Variants in RPS19BP1 observed in about 807,000 individuals in gnomAD.
The protein encoded by RPS19BP1 is ribosomal protein S19 binding protein 1.
In RPS19BP1, 14 loss-of-function variants were observed where a neutral mutation model predicts 16.6. The ratio of observed to expected loss-of-function variants is 0.84; its 90% CI spans 0.56 to 1.32. The LOEUF is 1.32. Among genes scored for constraint, RPS19BP1 ranks in the 40% most tolerant of loss-of-function variants. The pLI is 0.00. For synonymous variants in RPS19BP1, 90 were observed against 77.3 expected, an observed-to-expected ratio of 1.16 and a Z score of -0.86; for missense variants, 188 against 178.6, an observed-to-expected ratio of 1.05 and a Z score of -0.30.
At chr22:39,529,950 A>G (rs751346965) in intron 2 of RPS19BP1, 33 bp from the exon 3 acceptor site, 19 of 1,549,046 alleles carry the variant, frequency 1.2e-5, no homozygotes, top group East Asian at 2.2e-5. Context: ...ACCATTTCAG[A>G]TTCACTCCCC....
At chr22:39,530,739 A>AC (rs1931288423) in intron 2 of RPS19BP1, 1 of 154,244 alleles carries the variant, frequency 6.5e-6, no homozygotes, top group Non-Finnish European at 1.4e-5. Flanking sequence ...AAAAAAAAAA[A>AC]CAAACCAAAA....
At chr22:39,531,932 C>A in intron 2 of RPS19BP1, 1 of 174,008 alleles carries the variant, frequency 5.7e-6, no homozygotes, top group South Asian at 1.1e-4. Context: ...CCTTTACCAG[C>A]CTTTATTTTT....
chr22:39,532,071 G>A, intron 2 of RPS19BP1: 1 of 308,586 alleles, frequency 3.2e-6, no homozygotes, highest in Non-Finnish European at 6.1e-6. Flanking sequence ...CTGAAATGTC[G>A]CTTCCTCAGA....
At chr22:39,532,123 C>CT in intron 2 of RPS19BP1, 1 of 442,172 alleles carries the variant, frequency 2.3e-6, no homozygotes, top group Non-Finnish European at 4.1e-6. Context: ...GTACCGTAGT[C>CT]TTTTAATTCA....
chr22:39,531,509 C>T (rs1931309093), intron 2 of RPS19BP1: 1 of 152,260 alleles, frequency 6.6e-6, no homozygotes, highest in Admixed American at 6.5e-5. Flanking sequence ...TTAAGTGACA[C>T]TACGTCCCCC....
At position 39,530,108 on chromosome 22, in the gene RPS19BP1, C is replaced by G. The variant is rs73885249; in HGVS notation, c.182-191G>C. ...AGCCCCAGGCTCTTGGCCCCCACCC[C>G]CATTTTCCAACAATTATGTCCTGAA... On this transcript the variant is annotated intron_variant, in intron 2 of 3. Transcript: ENST00000334678. 4.4e-3 allele frequency: 2,660 copies of G among 602,318 alleles called. 54 individuals are homozygous for G. The African/African-American group carries it at 0.045, about 10-fold the overall frequency. 37.3% of individuals were successfully genotyped at this position (602,318 alleles called of 1,614,324 possible). A position where few individuals can be genotyped will look rare whatever the true frequency, so the allele number is the denominator to read the frequency against.
rs900348628 is a variant in RPS19BP1, at chr22:39,532,402, C to A, written c.174G>T (p.Ser58=). Residue 58 remains serine (S), a synonymous_variant, in exon 2 of 4, where the codon TCG becomes TCT. Coordinates refer to ENST00000334678, the MANE Select transcript of RPS19BP1 (RefSeq NM_194326.4). ...RNSAKGKVPK[S]ALDEYRKREC... The stretch of plus-strand genomic sequence containing the variant: ...GCCCCTTCCCGAACTTACCCAGTGC[C>A]GACTTGGGCACCTTTCCCTTGGCCG... The A allele has an allele frequency of 3.1e-6, 5 of 1,614,102 alleles. No individual in the cohort carries two copies. The Admixed American group carries it at 6.7e-5, about 22-fold the overall frequency.
chr22:39,532,353 C>A (rs1931333620), intron 2 of RPS19BP1, 42 bp downstream of exon 2: 10 of 1,613,600 alleles, frequency 6.2e-6, no homozygotes, highest in South Asian at 1.1e-5. Flanking sequence ...GGCGCAGGTC[C>A]CAGCACCGGA....
chr22:39,529,857 C>T lies in RPS19BP1; in HGVS notation c.242G>A (p.Arg81Lys). ...AGACTCAGCCACGGTGCTTCTCGTCCTGGTCAGAAACTTCAGGTTTACTCT... is the reference window on the plus strand; with the variant it reads ...AGACTCAGCCACGGTGCTTCTCGTCTTGGTCAGAAACTTCAGGTTTACTCT... Reference protein sequence around the residue: ...HLRVNLKFLTRTRSTVAESVS... With the variant: ...HLRVNLKFLTKTRSTVAESVS... Residue 81 changes from arginine (R) to lysine (K), a missense_variant, in exon 3 of 4, where the codon AGG becomes AAG. Transcript: ENST00000334678. 6.2e-7 allele frequency: 1 copy of T among 1,614,222 alleles called. No individual in the cohort carries two copies.
chr22:39,531,967 C>G (rs1931321493), intron 2 of RPS19BP1: 1 of 172,292 alleles, frequency 5.8e-6, no homozygotes, highest in Non-Finnish European at 1.2e-5. Context: ...GCAACAACCT[C>G]CTTTCTGACT....
At position 39,532,401 on chromosome 22, in the gene RPS19BP1, C is replaced by A; in HGVS notation, c.175G>T (p.Ala59Ser). 1 of 1,614,212 alleles carries A rather than the reference C, an allele frequency of 6.2e-7. No individual in the cohort carries two copies. Among genetic ancestry groups the A allele is most frequent in the Non-Finnish European group, 8.5e-7 (1 of 1,180,046 alleles). The change falls in exon 2 of 4, where the codon GCA becomes TCA. Residue 59 changes from alanine to serine, a missense_variant. Ala to Ser is a moderately conservative substitution (Grantham distance 99). Transcript: ENST00000334678. The part of the protein sequence containing the change: ...NSAKGKVPKS[A>S]LDEYRKRECR... ...AGCCCCTTCCCGAACTTACCCAGTGCCGACTTGGGCACCTTTCCCTTGGCC... is the reference window on the plus strand; with the variant it reads ...AGCCCCTTCCCGAACTTACCCAGTGACGACTTGGGCACCTTTCCCTTGGCC...
chr22:39,529,214 G>C lies in RPS19BP1; in HGVS notation c.*278C>G, dbSNP rs1931236679. On this transcript the variant is annotated 3_prime_UTR_variant, in exon 4 of 4. Transcript: ENST00000334678. The stretch of plus-strand genomic sequence containing the variant: ...GCAAACAGCCCAGAGGCCCCACCTG[G>C]GCAAAAGCAAACAAAACAGATACGT... 1 of 466,770 alleles carries C rather than the reference G, an allele frequency of 2.1e-6. No individual in the cohort carries two copies. Among genetic ancestry groups the C allele is most frequent in the Non-Finnish European group, 3.9e-6 (1 of 258,230 alleles). The allele number at this position is 466,770 out of a possible 1,614,324, so 28.9% of individuals were successfully genotyped here. A position where few individuals can be genotyped will look rare whatever the true frequency, so the allele number is the denominator to read the frequency against.
chr22:39,529,856 C>G lies in RPS19BP1; in HGVS notation c.243G>C (p.Arg81Ser). The change falls in exon 3 of 4, where the codon AGG becomes AGC. Residue 81 changes from arginine (R) to serine (S), a missense_variant. Coordinates refer to ENST00000334678, the MANE Select transcript of RPS19BP1 (RefSeq NM_194326.4). ...HLRVNLKFLT[R>S]TRSTVAESVS... ...CAGACTCAGCCACGGTGCTTCTCGTCCTGGTCAGAAACTTCAGGTTTACTC... is the reference window on the plus strand; with the variant it reads ...CAGACTCAGCCACGGTGCTTCTCGTGCTGGTCAGAAACTTCAGGTTTACTC... 1 of 1,614,192 alleles carries G rather than the reference C, an allele frequency of 6.2e-7. No individual in the cohort carries two copies. The highest frequency in any genetic ancestry group is 1.3e-5 in the African/African-American group (1 of 75,042).
Position 39,532,690 on chromosome 22 carries a change from C to T in RPS19BP1, c.49G>A (p.Glu17Lys). The T allele has an allele frequency of 1.3e-6, 2 of 1,544,518 alleles. No homozygotes were observed. The highest frequency in any genetic ancestry group is 1.7e-6 in the Non-Finnish European group (2 of 1,148,120). ...TCCCCTGGCCAGCCCTCCTCACCCT[C>T]GGACGCCGCCAGCAGCTCCAGGCCC... ...RRGLELLAAS[E>K]APRDPPGQAK... The change falls in exon 1 of 4, where the codon GAG becomes AAG. Residue 17 changes from glutamate to lysine, a missense_variant. Transcript: ENST00000334678.
chr22:39,532,090 A>C, intron 2 of RPS19BP1: 2 of 345,966 alleles, frequency 5.8e-6, no homozygotes, highest in Non-Finnish European at 1.1e-5. Flanking sequence ...GAGAAGGCTG[A>C]CTTGGCCTAA....
intron 2 of RPS19BP1, chr22:39,530,943 G>A (rs1317589162): frequency 3.3e-5 from 5 of 152,218 alleles, no homozygotes; most frequent in Non-Finnish European, 7.3e-5. Context: ...GGTTGCTGTT[G>A]AGAACAAGAT....
intron 2 of RPS19BP1, 57 bp downstream of exon 2, chr22:39,532,338 T>C (rs1253922691): frequency 6.2e-7 from 1 of 1,612,244 alleles, no homozygotes; most frequent in East Asian, 2.2e-5. Flanking sequence ...CGCCACCTCC[T>C]CTGGGGCGCA....
chr22:39,530,185 A>C, intron 2 of RPS19BP1: 1 of 462,936 alleles, frequency 2.2e-6, no homozygotes. Context: ...TGAGAGATGA[A>C]GGACAAAGGA....
rs1841160466 is a variant in RPS19BP1, at chr22:39,529,276, G to C, written c.*216C>G. On this transcript the variant is annotated 3_prime_UTR_variant, in exon 4 of 4. Coordinates refer to ENST00000334678, the MANE Select transcript of RPS19BP1 (RefSeq NM_194326.4). ...AGGTGCAGATGCTCTGCCCAGGCCT[G>C]CGGAAGCCAGCTCCGGTCTGTGTGT... 6 of 625,374 alleles carry C rather than the reference G, an allele frequency of 9.6e-6. No individual in the cohort carries two copies. In the South Asian group the frequency reaches 1.2e-4, roughly 12 times the overall value. The allele number at this position is 625,374 out of a possible 1,614,324, so 38.7% of individuals were successfully genotyped here. A position where few individuals can be genotyped will look rare whatever the true frequency, so the allele number is the denominator to read the frequency against.
Sources: allele counts gnomAD v4.1 joint callset, GRCh38; gene constraint gnomAD v4.1.1; transcripts MANE v1.5; gene names NCBI Gene and HGNC (gene_info 2026-07-23, HGNC 2026-07-21).